Variants in ARFGEF3 observed in about 807,000 individuals in gnomAD.
ARFGEF3 encodes ARFGEF family member 3, also known as brefeldin A-inhibited guanine nucleotide-exchange protein 3.
ARFGEF3 carries 96 observed loss-of-function variants against 221.7 expected under a neutral mutation model. That is an observed-to-expected ratio of 0.43 (90% CI 0.37 to 0.51). The LOEUF (loss-of-function observed/expected upper bound fraction) is 0.51, where lower values mean the gene tolerates loss of function less well. ARFGEF3 is among the 20% of genes least tolerant of loss of function. ARFGEF3 has a pLI of 0.00. For missense variants in ARFGEF3, 2,410 were observed against 2,789.9 expected, an observed-to-expected ratio of 0.86 and a Z score of 3.07; for synonymous variants, 1,145 against 1,126.8, an observed-to-expected ratio of 1.02 and a Z score of -0.32.
chr6:138,319,118 A>AT (rs56283991), intron 27 of ARFGEF3, among the ~76,000 whole-genome samples: 10,646 of 139,718 alleles, frequency 0.076, 450 homozygotes, highest in Non-Finnish European at 0.1. Context: ...TGCCCAGCTA[A>AT]TTTTTTTTTT....
At chr6:138,312,164 A>AT (rs972986603) in intron 25 of ARFGEF3, among the ~76,000 whole-genome samples, 3 of 151,922 alleles carry the variant, frequency 2.0e-5, no homozygotes, top group South Asian at 2.1e-4. Flanking sequence ...TCAAAAAAAA[A>AT]TTTTTTTTAA....
chr6:138,190,623 G>A (rs1457830162), intron 2 of ARFGEF3, among the ~76,000 whole-genome samples: 1 of 152,120 alleles, frequency 6.6e-6, no homozygotes, highest in African/African-American at 2.4e-5. Flanking sequence ...AAGAGTGAAG[G>A]GTACAGATTT....
chr6:138,261,556 C>T lies in ARFGEF3; in HGVS notation c.1134C>T (p.Asp378=), dbSNP rs1778795745. 6.3e-7 allele frequency: 1 copy of T among 1,578,260 alleles called. No homozygotes were observed. Among genetic ancestry groups the T allele is most frequent in the Non-Finnish European group, 8.6e-7 (1 of 1,160,720 alleles). ...EILGSPQRLC[D]LAGPSSTESE... Reference sequence around the variant, plus strand: ...TTGGGAGCCCACAGCGTCTCTGTGACTTGGCAGGACCCAGCTCCACTGAAT... The same window carrying T: ...TTGGGAGCCCACAGCGTCTCTGTGATTTGGCAGGACCCAGCTCCACTGAAT... The change falls in exon 11 of 34, where the codon GAC becomes GAT. Residue 378 remains aspartate (D), a synonymous_variant. Transcript: ENST00000251691.
chr6:138,218,508 A>G (rs1420754498), intron 4 of ARFGEF3: 7 of 1,432,346 alleles, frequency 4.9e-6, no homozygotes, highest in Middle Eastern at 2.6e-4. Context: ...ATCAGCCATG[A>G]TTCCACAATC....
At chr6:138,202,463 G>A (rs1250764545) in intron 2 of ARFGEF3, among the ~76,000 whole-genome samples, 2 of 152,054 alleles carry the variant, frequency 1.3e-5, no homozygotes, top group African/African-American at 2.4e-5. Context: ...TTTGCATATG[G>A]GTTCATTTCC....
chr6:138,221,922 GA>G (rs1238028628), intron 4 of ARFGEF3, among the ~76,000 whole-genome samples: 1 of 152,244 alleles, frequency 6.6e-6, no homozygotes, highest in Non-Finnish European at 1.5e-5. Context: ...AGTTGAGCCA[GA>G]GAGTGATTTG....
chr6:138,278,395 A>T (rs929181149), intron 12 of ARFGEF3, 56 bp from the exon 13 acceptor site: 9 of 1,551,490 alleles, frequency 5.8e-6, no homozygotes, highest in Non-Finnish European at 7.1e-6. Context: ...TCTGGAAGCC[A>T]GCCTTGCCAA....
At chr6:138,174,938 T>C (rs9494950) in intron 2 of ARFGEF3, among the ~76,000 whole-genome samples, 7,629 of 152,234 alleles carry the variant, frequency 0.05, 605 homozygotes, top group African/African-American at 0.17. Flanking sequence ...GAGAGACCTA[T>C]GTTGTATTAT....
intron 12 of ARFGEF3, among the ~76,000 whole-genome samples, chr6:138,266,085 G>A (rs547906591): frequency 1.3e-5 from 2 of 152,104 alleles, no homozygotes; most frequent in South Asian, 4.2e-4. Flanking sequence ...GCATGGTAGT[G>A]CACCTTTGTC....
Position 138,162,204 on chromosome 6 carries a change from A to T in ARFGEF3, c.85+33A>T. On this transcript the variant is annotated intron_variant, in intron 1 of 33. Coordinates refer to ENST00000251691, the MANE Select transcript of ARFGEF3 (RefSeq NM_020340.5). The surrounding 1 kb of genome is among the most constrained non-coding windows in gnomAD (Gnocchi z 4.7). ...TCCGGCACCTGCTCGCCGCGGCGGG[A>T]GGGCCGCGCGGCCGGGGCTGAACCC... The T allele has an allele frequency of 6.5e-7, 1 of 1,539,680 alleles. No homozygotes were observed. The highest frequency in any genetic ancestry group is 8.9e-7 in the Non-Finnish European group (1 of 1,128,390).
chr6:138,180,385 A>G (rs1013134101), intron 2 of ARFGEF3, among the ~76,000 whole-genome samples: 4 of 152,230 alleles, frequency 2.6e-5, no homozygotes, highest in Non-Finnish European at 4.4e-5. Flanking sequence ...GGATCTGAGC[A>G]TACATGCTGG....
chr6:138,280,264 T>C, intron 14 of ARFGEF3, 100 bp downstream of exon 14: 1 of 1,169,244 alleles, frequency 8.6e-7, no homozygotes, highest in African/African-American at 1.5e-5. Context: ...GAGCAGACTT[T>C]GAAACAGCAC....
chr6:138,188,674 C>T (rs192044049), intron 2 of ARFGEF3, among the ~76,000 whole-genome samples: 2 of 152,340 alleles, frequency 1.3e-5, no homozygotes, highest in East Asian at 3.9e-4. Flanking sequence ...ACCTGTTGTG[C>T]CCACACACAA....
intron 29 of ARFGEF3, among the ~76,000 whole-genome samples, chr6:138,322,817 A>AG (rs1233933940): frequency 8.8e-5 from 13 of 146,928 alleles, no homozygotes; most frequent in African/African-American, 3.1e-4. Context: ...AAAAAAAAAA[A>AG]GGGATTCTGT....
chr6:138,233,896 G>A (rs1778238592), intron 5 of ARFGEF3, among the ~76,000 whole-genome samples: 1 of 152,126 alleles, frequency 6.6e-6, no homozygotes, highest in African/African-American at 2.4e-5. Flanking sequence ...ATGGAAGCAG[G>A]ACCACGGCCT....
chr6:138,228,427 T>A (rs1778131710), intron 4 of ARFGEF3, among the ~76,000 whole-genome samples: 1 of 151,568 alleles, frequency 6.6e-6, no homozygotes, highest in Non-Finnish European at 1.5e-5. Context: ...TCTCAAGTGA[T>A]CCGCCCACCT....
chr6:138,294,242 C>T lies in ARFGEF3; in HGVS notation c.3502+116C>T, dbSNP rs570173242. On this transcript the variant is annotated intron_variant, in intron 20 of 33. Coordinates refer to ENST00000251691, the MANE Select transcript of ARFGEF3 (RefSeq NM_020340.5). ...TCCACATTCCCATTGCTTACACTCA[C>T]ACAAGCTAAGCCCAAGTATAGATTT... is the stretch of plus-strand genomic sequence containing the variant. 17 of 1,110,414 alleles carry T rather than the reference C, an allele frequency of 1.5e-5. No homozygotes were observed. In the South Asian group the frequency reaches 2.1e-4, roughly 14 times the overall value. The allele number at this position is 1,110,414 out of a possible 1,614,324, so 68.8% of individuals were successfully genotyped here. A position where few individuals can be genotyped will look rare whatever the true frequency, so the allele number is the denominator to read the frequency against.
At chr6:138,329,774 T>C (rs1263315797) in intron 32 of ARFGEF3, among the ~76,000 whole-genome samples, 5 of 152,130 alleles carry the variant, frequency 3.3e-5, no homozygotes, top group African/African-American at 7.2e-5. Flanking sequence ...TCCCCCCACA[T>C]TGATGTGGTT....
intron 2 of ARFGEF3, among the ~76,000 whole-genome samples, chr6:138,205,330 C>G (rs925064652): frequency 1.1e-4 from 16 of 152,090 alleles, no homozygotes; most frequent in Admixed American, 5.2e-4. Flanking sequence ...CTATTATGCC[C>G]TTTCATTGGC....
Sources: gnomAD v4.1 joint callset for allele counts (sites outside exome capture counted in the v4.1 genomes callset) on GRCh38, gnomAD v4.1.1 for gene constraint, Gnocchi (gnomAD v3.1) non-coding constraint, MANE v1.5 for transcripts, NCBI Gene and HGNC (gene_info 2026-07-23, HGNC 2026-07-21) for gene names.